SRSF4: variants seen among roughly 807,000 people sequenced by gnomAD.
SRSF4 encodes the protein serine/arginine-rich splicing factor 4.
Under a neutral mutation model 48.8 loss-of-function variants are expected in SRSF4, and 12 were observed. The ratio of observed to expected loss-of-function variants is 0.25; its 90% CI spans 0.16 to 0.40. The LOEUF is 0.40. Ranked by LOEUF, SRSF4 falls within the 10% of genes least tolerant of loss-of-function variation. SRSF4 has a pLI of 1.00. For synonymous variants in SRSF4, 248 were observed against 232.5 expected (o/e 1.07, Z -0.61); for missense variants, 466 against 667.1 (o/e 0.70, Z 3.32).
At chr1:29,176,087 C>A (rs1254598001) in intron 1 of SRSF4, among the ~76,000 whole-genome samples, 1 of 151,976 alleles carries the variant, frequency 6.6e-6, no homozygotes, top group Non-Finnish European at 1.5e-5. Context: ...CCTGTCTCTA[C>A]TAAAAATACA....
chr1:29,160,789 G>A (rs947442281), intron 1 of SRSF4, among the ~76,000 whole-genome samples: 17 of 152,286 alleles, frequency 1.1e-4, no homozygotes, highest in Admixed American at 7.2e-4. Flanking sequence ...CAAGTAGTTG[G>A]TGGCAACTGC....
intron 2 of SRSF4, 74 bp from the exon 3 acceptor site, chr1:29,159,560 C>G (rs569501858): frequency 9.7e-5 from 91 of 938,026 alleles, no homozygotes; most frequent in African/African-American, 9.0e-4. Flanking sequence ...ACACACCCCC[C>G]CTTAAATATA....
chr1:29,156,929 T>G (rs1440503016), intron 3 of SRSF4, among the ~76,000 whole-genome samples: 2 of 152,186 alleles, frequency 1.3e-5, no homozygotes, highest in Non-Finnish European at 2.9e-5. Flanking sequence ...AAGCAGACAT[T>G]CAGGACGAAA....
intron 2 of SRSF4, 185 bp downstream of exon 2, chr1:29,160,190 T>A: frequency 1.6e-6 from 1 of 610,838 alleles, no homozygotes; most frequent in Non-Finnish European, 2.6e-6. Context: ...AAATTGTCAT[T>A]AGTTTAATTA....
intron 1 of SRSF4, among the ~76,000 whole-genome samples, chr1:29,180,989 A>AAAC (rs1672946232): frequency 6.6e-6 from 1 of 152,234 alleles, no homozygotes; most frequent in South Asian, 2.1e-4. Context: ...CACAGCGTGG[A>AAAC]AACTCTGCAC....
intron 1 of SRSF4, among the ~76,000 whole-genome samples, chr1:29,163,066 TTAA>T (rs1672622428): frequency 6.6e-6 from 1 of 152,196 alleles, no homozygotes; most frequent in Non-Finnish European, 1.5e-5. Context: ...AAAATAAAAA[TTAA>T]TGTTACGACA....
At chr1:29,150,854 T>G (rs772220830) in intron 4 of SRSF4, among the ~76,000 whole-genome samples, 1 of 152,204 alleles carries the variant, frequency 6.6e-6, no homozygotes, top group South Asian at 2.1e-4. Flanking sequence ...CCTCCTGATC[T>G]TCGGTCTTTC....
chr1:29,150,320 A>C, intron 4 of SRSF4, 128 bp from the exon 5 acceptor site: 1 of 390,350 alleles, frequency 2.6e-6, no homozygotes, highest in South Asian at 8.0e-5. Flanking sequence ...GCTGGAGTGC[A>C]ATGGCGCGAT....
chr1:29,152,932 A>AAAAG (rs1553321741), intron 4 of SRSF4, among the ~76,000 whole-genome samples: 2 of 151,498 alleles, frequency 1.3e-5, no homozygotes, highest in East Asian at 3.9e-4. Flanking sequence ...CAAAAAAAAA[A>AAAAG]AAAGAAAGAA....
At chr1:29,175,061 T>G (rs987469812) in intron 1 of SRSF4, among the ~76,000 whole-genome samples, 1 of 150,604 alleles carries the variant, frequency 6.6e-6, no homozygotes, top group African/African-American at 2.4e-5. Context: ...TGAAAAAAAG[T>G]AAAACTAAAA....
chr1:29,148,366 GT>G lies in SRSF4; in HGVS notation c.*43del, dbSNP rs747136543. On this transcript the variant is annotated 3_prime_UTR_variant, in exon 6 of 6. Coordinates refer to ENST00000373795, the MANE Select transcript of SRSF4 (RefSeq NM_005626.5). ...CACTTGTGCTACGGCTACCAAACAT[GT>G]ACAAAAGACTTCTCGGGTAGTTCCA... 1,931 of 1,556,678 alleles carry G rather than the reference GT, an allele frequency of 1.2e-3. 1 individual carries two copies. The highest frequency in any genetic ancestry group is 1.6e-3 in the Non-Finnish European group (1,792 of 1,152,614).
rs116570147 is a variant in SRSF4, at chr1:29,165,452, T to C, written c.108-4935A>G. ...TTAACCACACTTCTTCAGGCAAGAA[T>C]TATTATCTGAGTTTGTATCCTTGCT... is the stretch of plus-strand genomic sequence containing the variant. On this transcript the variant is annotated intron_variant, in intron 1 of 5. Coordinates refer to ENST00000373795, the MANE Select transcript of SRSF4 (RefSeq NM_005626.5). Among the ~76,000 whole-genome samples, 9 of 152,278 alleles carry C rather than the reference T, an allele frequency of 5.9e-5. No homozygotes were observed. The South Asian group carries it at 1.9e-3, about 32-fold the overall frequency.
At chr1:29,159,220 G>A (rs1233465773) in intron 3 of SRSF4, among the ~76,000 whole-genome samples, 154 bp downstream of exon 3, 1 of 152,180 alleles carries the variant, frequency 6.6e-6, no homozygotes, top group African/African-American at 2.4e-5. Context: ...GATATATTTT[G>A]TACTCATATG....
In SRSF4 at chr1:29,148,294, C is replaced by G; in HGVS notation, c.*116G>C. 1 of 1,342,294 alleles carries G rather than the reference C, an allele frequency of 7.4e-7. No homozygotes were observed. The highest frequency in any genetic ancestry group is 1.0e-6 in the Non-Finnish European group (1 of 959,094). 83.1% of individuals were successfully genotyped at this position (1,342,294 alleles called of 1,614,324 possible). A position where few individuals can be genotyped will look rare whatever the true frequency, so the allele number is the denominator to read the frequency against. On this transcript the variant is annotated 3_prime_UTR_variant, in exon 6 of 6. Transcript: ENST00000373795. ...TTAGATTTAACAATTATAGACACACCATTAGGGGAGTTAAAAATGTACAGC... is the reference window on the plus strand; with the variant it reads ...TTAGATTTAACAATTATAGACACACGATTAGGGGAGTTAAAAATGTACAGC...
chr1:29,150,220 T>G, intron 4 of SRSF4, 28 bp from the exon 5 acceptor site: 2 of 1,575,952 alleles, frequency 1.3e-6, no homozygotes. Context: ...TTTTTAATAC[T>G]TGCTGACAAG....
chr1:29,176,472 T>C (rs1558394299), intron 1 of SRSF4, among the ~76,000 whole-genome samples: 1 of 141,080 alleles, frequency 7.1e-6, no homozygotes, highest in African/African-American at 2.8e-5. Context: ...CTTGGGAGAA[T>C]TAAAAACTAA....
chr1:29,170,980 C>T (rs1672737459), intron 1 of SRSF4: 1 of 152,186 alleles, frequency 6.6e-6, no homozygotes, highest in Non-Finnish European at 1.5e-5. Flanking sequence ...CATCTCAACA[C>T]ACAGAAAACT....
intron 1 of SRSF4, among the ~76,000 whole-genome samples, chr1:29,181,317 C>T (rs926075212): frequency 6.6e-6 from 1 of 152,236 alleles, no homozygotes; most frequent in Non-Finnish European, 1.5e-5. Context: ...GGCCCCAGTT[C>T]CGGGCCTAGG....
intron 1 of SRSF4, among the ~76,000 whole-genome samples, chr1:29,176,875 C>T (rs1672864210): frequency 6.6e-6 from 1 of 152,240 alleles, no homozygotes; most frequent in African/African-American, 2.4e-5. Context: ...AACGCAGGTT[C>T]TGAAGTTTAA....
Sources: allele counts gnomAD v4.1 joint callset (sites outside exome capture counted in the v4.1 genomes callset), GRCh38; gene constraint gnomAD v4.1.1; transcripts MANE v1.5; gene names NCBI Gene and HGNC (gene_info 2026-07-23, HGNC 2026-07-21).